ASIC2: variants seen among roughly 807,000 people sequenced by gnomAD.
The protein encoded by ASIC2 is acid sensing ion channel subunit 2, also known as acid-sensing ion channel 2.
In ASIC2, 25 loss-of-function variants were observed where a neutral mutation model predicts 57.3. That is an observed-to-expected ratio of 0.44 (90% confidence interval 0.32 to 0.61). The LOEUF (loss-of-function observed/expected upper bound fraction) is 0.61, where lower values mean the gene tolerates loss of function less well. Ranked by LOEUF, ASIC2 falls within the 20% of genes least tolerant of loss-of-function variation. The pLI, the probability that ASIC2 is intolerant of heterozygous loss-of-function variation, is 0.06. For missense variants in ASIC2, 641 were observed against 738.1 expected, an observed-to-expected ratio of 0.87 and a Z score of 1.52; for synonymous variants, 319 against 307.5, an observed-to-expected ratio of 1.04 and a Z score of -0.39.
chr17:33,693,973 T>A (rs1908451566), intron 1 of ASIC2, among the ~76,000 whole-genome samples: 2 of 152,198 alleles, frequency 1.3e-5, no homozygotes, highest in Non-Finnish European at 2.9e-5. Flanking sequence ...TTAAGAACCA[T>A]CTGTATTTTC....
At chr17:33,202,843 G>C (rs1906927904) in intron 1 of ASIC2, among the ~76,000 whole-genome samples, 1 of 152,090 alleles carries the variant, frequency 6.6e-6, no homozygotes, top group African/African-American at 2.4e-5. Context: ...CTCTACCCTG[G>C]GGGATGGTCA....
intron 1 of ASIC2, among the ~76,000 whole-genome samples, chr17:33,770,031 A>G (rs890140622): frequency 6.6e-6 from 1 of 152,204 alleles, no homozygotes; most frequent in Non-Finnish European, 1.5e-5. Context: ...ATGACCACTG[A>G]GGTCTCTGAA....
intron 1 of ASIC2, among the ~76,000 whole-genome samples, chr17:33,579,730 G>C (rs968831053): frequency 2.6e-5 from 4 of 152,164 alleles, no homozygotes; most frequent in African/African-American, 9.7e-5. Flanking sequence ...TAAAAGTAGT[G>C]CGGACCCAAA....
At chr17:33,610,780 A>G (rs1173522451) in intron 1 of ASIC2, among the ~76,000 whole-genome samples, 1 of 152,224 alleles carries the variant, frequency 6.6e-6, no homozygotes, top group Non-Finnish European at 1.5e-5. Context: ...CTGTAGTACC[A>G]GATCCTTGGG....
chr17:33,681,573 A>C (rs528683451), intron 1 of ASIC2, among the ~76,000 whole-genome samples: 1 of 152,172 alleles, frequency 6.6e-6, no homozygotes, highest in East Asian at 1.9e-4. Context: ...TAATTTTCCA[A>C]TGATGCCCAA....
chr17:33,770,501 C>T (rs1012699793), intron 1 of ASIC2, among the ~76,000 whole-genome samples: 4 of 152,168 alleles, frequency 2.6e-5, no homozygotes, highest in South Asian at 2.1e-4. Flanking sequence ...AAGGTACAGG[C>T]CCTGGTTCTG....
chr17:33,906,257 G>C (rs1386946877), intron 1 of ASIC2, among the ~76,000 whole-genome samples: 3 of 152,150 alleles, frequency 2.0e-5, no homozygotes, highest in Non-Finnish European at 4.4e-5. Context: ...CACCCTTCTT[G>C]CAAGCAGGCT....
chr17:34,075,290 G>A (rs1053973506), intron 1 of ASIC2, among the ~76,000 whole-genome samples: 6 of 152,094 alleles, frequency 3.9e-5, no homozygotes, highest in African/African-American at 7.2e-5. Context: ...TGGCTCTGAC[G>A]CAGATCATAG....
chr17:33,558,551 T>C (rs1186597316), intron 1 of ASIC2, among the ~76,000 whole-genome samples: 1 of 152,186 alleles, frequency 6.6e-6, no homozygotes, highest in Non-Finnish European at 1.5e-5. Flanking sequence ...TAGACTTTAT[T>C]AGAATACATC....
At chr17:33,148,715 A>G (rs572089359) in intron 1 of ASIC2, among the ~76,000 whole-genome samples, 19 of 152,266 alleles carry the variant, frequency 1.2e-4, no homozygotes, top group Non-Finnish European at 2.4e-4. Context: ...CTCAAAAAAT[A>G]TTAGCTCACA....
chr17:33,848,473 C>T (rs1324211971), intron 1 of ASIC2, among the ~76,000 whole-genome samples: 1 of 152,164 alleles, frequency 6.6e-6, no homozygotes, highest in Non-Finnish European at 1.5e-5. Context: ...CAACAGAGGA[C>T]AGGCACTGAG....
At chr17:33,728,023 C>G (rs1909619708) in intron 1 of ASIC2, among the ~76,000 whole-genome samples, 1 of 152,212 alleles carries the variant, frequency 6.6e-6, no homozygotes, top group South Asian at 2.1e-4. Context: ...CAACTAAATG[C>G]AGCAGGAGAT....
At chr17:33,639,796 A>G (rs1048688446) in intron 1 of ASIC2, among the ~76,000 whole-genome samples, 1 of 149,658 alleles carries the variant, frequency 6.7e-6, no homozygotes. Flanking sequence ...AAAGCCCTCC[A>G]TTGTTTAACA....
chr17:34,109,275 T>C (rs1911183035), intron 1 of ASIC2, among the ~76,000 whole-genome samples: 1 of 152,220 alleles, frequency 6.6e-6, no homozygotes, highest in African/African-American at 2.4e-5. Context: ...CTCTAGTTCA[T>C]TTATTGTCAT....
At chr17:34,063,446 T>C (rs993391908) in intron 1 of ASIC2, among the ~76,000 whole-genome samples, 14 of 152,142 alleles carry the variant, frequency 9.2e-5, no homozygotes, top group African/African-American at 3.4e-4. Flanking sequence ...GCATTCCCTC[T>C]GAGAACTGGA....
At chr17:33,777,969 G>A (rs560223893) in intron 1 of ASIC2, among the ~76,000 whole-genome samples, 2 of 152,202 alleles carry the variant, frequency 1.3e-5, no homozygotes, top group Admixed American at 6.5e-5. Context: ...TTCCACGATG[G>A]GCTGTGTGTC....
intron 1 of ASIC2, among the ~76,000 whole-genome samples, chr17:33,336,380 A>ATT (rs11415074): frequency 1.1e-4 from 16 of 151,344 alleles, no homozygotes; most frequent in East Asian, 3.9e-4. Context: ...TTCTTAACAG[A>ATT]TTTTTTTTTA....
chr17:33,367,363 T>C (rs988345393), intron 1 of ASIC2, among the ~76,000 whole-genome samples: 2 of 152,118 alleles, frequency 1.3e-5, no homozygotes, highest in Non-Finnish European at 2.9e-5. Context: ...CAAGTGCTGG[T>C]GGCACTAACC....
intron 1 of ASIC2, among the ~76,000 whole-genome samples, chr17:33,307,527 C>T (rs1174130268): frequency 6.6e-6 from 1 of 152,182 alleles, no homozygotes; most frequent in African/African-American, 2.4e-5. Context: ...CCAGACTAGT[C>T]TCGAACTCCT....
Sources: gnomAD v4.1 joint callset for allele counts (sites outside exome capture counted in the v4.1 genomes callset) on GRCh38, gnomAD v4.1.1 for gene constraint, MANE v1.5 for transcripts, NCBI Gene and HGNC (gene_info 2026-07-23, HGNC 2026-07-21) for gene names.